The following PDE4D variants were observed in gnomAD, a reference collection of about 807,000 sequenced individuals.
PDE4D encodes the protein phosphodiesterase 4D.
Under a neutral mutation model 87.4 loss-of-function variants are expected in PDE4D, and 24 were observed. That is an observed-to-expected ratio of 0.27 (90% CI 0.20 to 0.39). The LOEUF is 0.39. Among genes scored for constraint, PDE4D ranks in the 10% least tolerant of loss-of-function variants. The pLI is 1.00. For synonymous variants in PDE4D, 384 were observed against 383.2 expected, an observed-to-expected ratio of 1.00 and a Z score of -0.02; for missense variants, 714 against 1,041.0, an observed-to-expected ratio of 0.69 and a Z score of 4.32.
chr5:59,830,656 A>T (rs17311925), intron 1 of PDE4D, among the ~76,000 whole-genome samples: 4 of 151,932 alleles, frequency 2.6e-5, no homozygotes, highest in Non-Finnish European at 2.9e-5. Flanking sequence ...TTAATTAACA[A>T]ATCAGAATAT....
At chr5:60,281,149 C>T (rs191059011) in intron 1 of PDE4D, among the ~76,000 whole-genome samples, 1 of 151,980 alleles carries the variant, frequency 6.6e-6, no homozygotes, top group South Asian at 2.1e-4. Context: ...TAGCAGACTT[C>T]GCTGTTAGAT....
intron 1 of PDE4D, among the ~76,000 whole-genome samples, chr5:59,716,752 C>A (rs1162287364): frequency 6.6e-6 from 1 of 152,158 alleles, no homozygotes; most frequent in Non-Finnish European, 1.5e-5. Flanking sequence ...TCTCCGTCTT[C>A]ATTGGTATGT....
chr5:59,287,210 C>G lies in PDE4D; in HGVS notation c.456-71242G>C, dbSNP rs184871753. 6.8e-4 allele frequency among the ~76,000 whole-genome samples: 104 copies of G among 152,260 alleles called. 1 individual carries two copies. Among genetic ancestry groups the G allele is most frequent in the Middle Eastern group, 3.4e-3 (1 of 292 alleles). On this transcript the variant is annotated intron_variant, in intron 1 of 14. Transcript: ENST00000340635. ...CCCCAAAATAGATTCCTAGGCCTGG[C>G]AGCATTCACCACAAGCTGATTGAAG...
rs1742190708 is a variant in PDE4D at position 58,969,243 on chromosome 5, A to G, written c.*5421T>C. 6.6e-6 allele frequency: 1 copy of G among 152,220 alleles called. No individual in the cohort carries two copies. The highest frequency in any genetic ancestry group is 2.4e-5 in the African/African-American group (1 of 41,464). 9.4% of individuals were successfully genotyped at this position (152,220 alleles called of 1,614,324 possible). On this transcript the variant is annotated 3_prime_UTR_variant, in exon 15 of 15. Coordinates refer to ENST00000340635, the MANE Select transcript of PDE4D (RefSeq NM_001104631.2). ...GGTCTGGTGGGAGAGACAGATAACAAAAACAAACACGTATATAAATCTGTG... is the reference window on the plus strand; with the variant it reads ...GGTCTGGTGGGAGAGACAGATAACAGAAACAAACACGTATATAAATCTGTG...
At chr5:59,609,267 T>A (rs996522621) in intron 1 of PDE4D, among the ~76,000 whole-genome samples, 1 of 152,046 alleles carries the variant, frequency 6.6e-6, no homozygotes, top group African/African-American at 2.4e-5. Context: ...TTAAGGCACA[T>A]GGCAAGATTG....
intron 2 of PDE4D, among the ~76,000 whole-genome samples, chr5:59,201,873 C>A (rs1050048609): frequency 6.0e-4 from 91 of 152,018 alleles, no homozygotes; most frequent in African/African-American, 1.9e-3. Flanking sequence ...GTCCAGCAAC[C>A]TTTTACTGAG....
intron 5 of PDE4D, among the ~76,000 whole-genome samples, chr5:59,054,656 T>A (rs917705525): frequency 7.2e-5 from 11 of 151,824 alleles, no homozygotes; most frequent in Non-Finnish European, 1.5e-4. Flanking sequence ...ACCATACACA[T>A]AAGAGTAAAT....
chr5:60,073,454 G>T (rs1159411689), intron 2 of PDE4D, among the ~76,000 whole-genome samples: 1 of 150,212 alleles, frequency 6.7e-6, no homozygotes. Flanking sequence ...CATCAAGAAT[G>T]CTAGCCTGAA....
intron 1 of PDE4D, among the ~76,000 whole-genome samples, chr5:59,261,336 G>T (rs1440271180): frequency 2.0e-5 from 3 of 151,766 alleles, no homozygotes; most frequent in African/African-American, 7.2e-5. Flanking sequence ...TATAGCCAGG[G>T]ATTATGCACA....
intron 1 of PDE4D, among the ~76,000 whole-genome samples, chr5:59,785,899 G>T (rs1581100770): frequency 6.6e-6 from 1 of 151,990 alleles, no homozygotes; most frequent in Non-Finnish European, 1.5e-5. Context: ...TTCTTCATTA[G>T]GTTTCATATG....
chr5:59,862,225 G>A (rs181173486), intron 1 of PDE4D, among the ~76,000 whole-genome samples: 20 of 152,242 alleles, frequency 1.3e-4, no homozygotes, highest in Admixed American at 2.0e-4. Context: ...CCATAAGGCT[G>A]GACGTTTCAC....
At chr5:59,762,854 G>GAGAT (rs1554079481) in intron 1 of PDE4D, among the ~76,000 whole-genome samples, 3 of 51,688 alleles carry the variant, frequency 5.8e-5, no homozygotes, top group Admixed American at 2.1e-4. Flanking sequence ...ACTGCTTAAG[G>GAGAT]ATATATATAT....
intron 2 of PDE4D, among the ~76,000 whole-genome samples, chr5:60,121,075 G>T (rs900828721): frequency 3.0e-4 from 46 of 151,872 alleles, no homozygotes; most frequent in Admixed American, 2.9e-3. Context: ...CTTGAAAATT[G>T]GACTCCAAGT....
chr5:59,720,441 GC>G (rs1220472070), intron 1 of PDE4D, among the ~76,000 whole-genome samples: 4 of 152,058 alleles, frequency 2.6e-5, no homozygotes, highest in Non-Finnish European at 4.4e-5. Flanking sequence ...AAAGTGTCTG[GC>G]CCTAAAATGC....
At chr5:59,210,042 C>A (rs1749739031) in intron 2 of PDE4D, among the ~76,000 whole-genome samples, 1 of 152,228 alleles carries the variant, frequency 6.6e-6, no homozygotes, top group Admixed American at 6.5e-5. Flanking sequence ...ACCTCCCCAG[C>A]TGGGAAAAAC....
chr5:59,557,905 T>G (rs1341962729), intron 1 of PDE4D, among the ~76,000 whole-genome samples: 1 of 152,226 alleles, frequency 6.6e-6, no homozygotes, highest in Non-Finnish European at 1.5e-5. Flanking sequence ...GTACCTGGAT[T>G]CAGCTTTTCT....
At chr5:59,640,107 A>G (rs1001917245) in intron 1 of PDE4D, among the ~76,000 whole-genome samples, 1 of 152,164 alleles carries the variant, frequency 6.6e-6, no homozygotes, top group African/African-American at 2.4e-5. Flanking sequence ...ACATCATCAT[A>G]AGAATGCCCA....
chr5:59,230,863 T>G (rs1027937208), intron 1 of PDE4D, among the ~76,000 whole-genome samples: 1 of 152,158 alleles, frequency 6.6e-6, no homozygotes, highest in African/African-American at 2.4e-5. Flanking sequence ...TTCAGAGGGT[T>G]GTGTGGCCTG....
chr5:60,074,465 GAGA>G (rs998642478), intron 2 of PDE4D, among the ~76,000 whole-genome samples: 57 of 152,254 alleles, frequency 3.7e-4, no homozygotes, highest in African/African-American at 1.3e-3. Flanking sequence ...ATTTGGTGAT[GAGA>G]AGAATACATA....
Sources: allele counts gnomAD v4.1 joint callset (sites outside exome capture counted in the v4.1 genomes callset), GRCh38; gene constraint gnomAD v4.1.1; transcripts MANE v1.5; gene names NCBI Gene and HGNC (gene_info 2026-07-23, HGNC 2026-07-21).